Variants in PRPF3 observed in about 807,000 individuals in gnomAD.
PRPF3 encodes the protein pre-mRNA processing factor 3.
PRPF3 carries 3 observed loss-of-function variants against 89.2 expected under a neutral mutation model. That is an observed-to-expected ratio of 0.03 (90% CI 0.02 to 0.09). The LOEUF (loss-of-function observed/expected upper bound fraction) is 0.09, where lower values mean the gene tolerates loss of function less well. Among genes scored for constraint, PRPF3 ranks in the 10% least tolerant of loss-of-function variants. The pLI, the probability that PRPF3 is intolerant of heterozygous loss-of-function variation, is 1.00. For missense variants in PRPF3, 463 were observed against 828.8 expected, an observed-to-expected ratio of 0.56 and a Z score of 5.42; for synonymous variants, 270 against 289.1, an observed-to-expected ratio of 0.93 and a Z score of 0.67.
At position 150,325,829 on chromosome 1, in the gene PRPF3, G is replaced by A; in HGVS notation, c.224G>A (p.Ser75Asn). 2 of 1,613,820 alleles carry A rather than the reference G, an allele frequency of 1.2e-6. No homozygotes were observed. The highest frequency in any genetic ancestry group is 1.7e-6 in the Non-Finnish European group (2 of 1,179,812). ...TTTGAGGCTGTGGAGGAAGGCCGAA[G>A]CTCTAGGCATTCCAAGTCTAGCAGT... is the stretch of plus-strand genomic sequence containing the variant. ...KLFEAVEEGR[S>N]SRHSKSSSDR... Residue 75 changes from serine to asparagine, a missense_variant, in exon 3 of 16, where the codon AGC becomes AAC. Physicochemically the swap from Ser to Asn is conservative, Grantham distance 46. Around this residue, in one of 8 missense-constraint regions of PRPF3, gnomAD observed 21 missense variants for 16.6 expected, o/e 1.26. Transcript: ENST00000324862.
intron 8 of PRPF3, among the ~76,000 whole-genome samples, chr1:150,339,693 C>T (rs1167681617): frequency 2.6e-5 from 4 of 151,406 alleles, no homozygotes; most frequent in African/African-American, 9.7e-5. Context: ...CCGCCTCAGC[C>T]TCCCAAAGGG....
chr1:150,323,465 G>A (rs1655331857), intron 1 of PRPF3, among the ~76,000 whole-genome samples: 1 of 151,636 alleles, frequency 6.6e-6, no homozygotes, highest in Admixed American at 6.6e-5. Flanking sequence ...GTGAAACCGT[G>A]TCTTTATTAA....
chr1:150,348,816 G>T (rs1263904783), intron 14 of PRPF3: 4 of 293,458 alleles, frequency 1.4e-5, no homozygotes, highest in Non-Finnish European at 2.6e-5. Context: ...AAAGTTTTTT[G>T]AGAGTAATAT....
chr1:150,335,795 G>A (rs1445584041), intron 7 of PRPF3, among the ~76,000 whole-genome samples: 15 of 145,378 alleles, frequency 1.0e-4, no homozygotes, highest in Admixed American at 7.0e-4. Flanking sequence ...GGGGGATGGA[G>A]TCTTGCACTG....
Position 150,325,870 on chromosome 1 carries a change from C to T in PRPF3, c.265C>T (p.Arg89Ter). Residue 89 changes from arginine to a stop codon, truncating the protein, a stop_gained, in exon 3 of 16, where the codon CGA (arginine) becomes TGA (stop). Coordinates refer to ENST00000324862, the MANE Select transcript of PRPF3 (RefSeq NM_004698.4). LOFTEE classifies it high-confidence loss of function. ...SKSSSDRSRK[R>*]ELKEVFGDDS... Reference sequence around the variant, plus strand: ...GTCTAGCAGTGACAGGAGCAGAAAACGAGAGCTAAAGGTAGGTTACAATTT... The same window carrying T: ...GTCTAGCAGTGACAGGAGCAGAAAATGAGAGCTAAAGGTAGGTTACAATTT... 1 of 1,613,148 alleles carries T rather than the reference C, an allele frequency of 6.2e-7. No individual in the cohort carries two copies. The highest frequency in any genetic ancestry group is 8.5e-7 in the Non-Finnish European group (1 of 1,179,356).
intron 1 of PRPF3, among the ~76,000 whole-genome samples, chr1:150,324,274 A>T (rs1553863056): frequency 6.6e-6 from 1 of 152,164 alleles, no homozygotes; most frequent in Non-Finnish European, 1.5e-5. Context: ...TTTTAGTGTT[A>T]CTAGGTTTGC....
At position 150,321,571 on chromosome 1, in the gene PRPF3, C is replaced by T. The variant is rs1214768916; in HGVS notation, c.-70C>T. On this transcript the variant is annotated 5_prime_UTR_variant, in exon 1 of 16. Transcript: ENST00000324862. ...TTCCGGTGTAACGTTCGGGCTCCGT[C>T]TCAGGGGCTGAAGTTTGTGAGGTGA... is the stretch of plus-strand genomic sequence containing the variant. 5 of 152,670 alleles carry T rather than the reference C, an allele frequency of 3.3e-5. No homozygotes were observed. Among genetic ancestry groups the T allele is most frequent in the East Asian group, 1.9e-4 (1 of 5,172 alleles). The allele number at this position is 152,670 out of a possible 1,614,324, so 9.5% of individuals were successfully genotyped here.
chr1:150,325,249 T>G (rs1655575920), intron 2 of PRPF3, among the ~76,000 whole-genome samples, 162 bp downstream of exon 2: 1 of 152,234 alleles, frequency 6.6e-6, no homozygotes, highest in African/African-American at 2.4e-5. Flanking sequence ...AATAATTTGC[T>G]TTTTCTCTTA....
chr1:150,335,155 A>G lies in PRPF3; in HGVS notation c.949A>G (p.Ile317Val). ...TACCTTTTTTGACCCCCGAGTCTCC[A>G]TTGCCCCTTCCCAGCGCCAGAGACG... ...SNTFFDPRVS[I>V]APSQRQRRTF... is the part of the protein sequence containing the mutation. Residue 317 changes from isoleucine to valine, a missense_variant, in exon 7 of 16, where the codon ATT (isoleucine) becomes GTT (valine). Physicochemically the swap from Ile to Val is conservative, Grantham distance 29. Coordinates refer to ENST00000324862, the MANE Select transcript of PRPF3 (RefSeq NM_004698.4). The G allele has an allele frequency of 1.2e-6, 2 of 1,614,102 alleles. No individual in the cohort carries two copies. The highest frequency in any genetic ancestry group is 1.7e-6 in the Non-Finnish European group (2 of 1,179,982).
At chr1:150,343,254 T>A (rs930810074) in intron 9 of PRPF3, 55 bp from the exon 10 acceptor site, 5 of 1,059,470 alleles carry the variant, frequency 4.7e-6, no homozygotes, top group African/African-American at 3.7e-5. Flanking sequence ...AAAAAATATA[T>A]ATATATATAT....
At chr1:150,338,016 G>A in intron 7 of PRPF3, 144 bp from the exon 8 acceptor site, 1 of 781,102 alleles carries the variant, frequency 1.3e-6, no homozygotes, top group Non-Finnish European at 2.0e-6. Context: ...AGAGGTTGCT[G>A]TTAGCCAAGA....
intron 4 of PRPF3, among the ~76,000 whole-genome samples, chr1:150,330,806 TC>T (rs1656275989): frequency 6.7e-6 from 1 of 149,644 alleles, no homozygotes; most frequent in African/African-American, 2.5e-5. Flanking sequence ...AACCTCCGCC[TC>T]CCGGGTTCAA....
rs782314132 is a variant in PRPF3 at position 150,328,277 on chromosome 1, A to G, written c.277-43A>G. The G allele has an allele frequency of 1.9e-6, 3 of 1,606,740 alleles. No homozygotes were observed. The East Asian group carries it at 6.7e-5, about 36-fold the overall frequency. On this transcript the variant is annotated intron_variant, in intron 3 of 15. Coordinates refer to ENST00000324862, the MANE Select transcript of PRPF3 (RefSeq NM_004698.4). The stretch of plus-strand genomic sequence containing the variant: ...CTAGGATAATTCTTCCCTTCTCCCC[A>G]CGGGGAGGGATACAGCTTTTCTTTC...
intron 11 of PRPF3, 43 bp from the exon 12 acceptor site, chr1:150,344,391 T>C: frequency 6.2e-7 from 1 of 1,614,162 alleles, no homozygotes; most frequent in Non-Finnish European, 8.5e-7. Flanking sequence ...CCTCTGATCT[T>C]CAATGCCTTT....
chr1:150,346,572 C>A, intron 14 of PRPF3, 81 bp downstream of exon 14: 1 of 1,362,874 alleles, frequency 7.3e-7, no homozygotes, highest in Non-Finnish European at 1.0e-6. Context: ...CTTATTTCCT[C>A]CCTGTGACAC....
At chr1:150,345,672 C>A in intron 12 of PRPF3, 1 of 348,836 alleles carries the variant, frequency 2.9e-6, no homozygotes, top group Non-Finnish European at 5.6e-6. Flanking sequence ...TTATAAGAGT[C>A]TAAGGGTCTA....
intron 7 of PRPF3, among the ~76,000 whole-genome samples, chr1:150,335,540 G>A (rs1458807966): frequency 6.6e-6 from 1 of 152,018 alleles, no homozygotes; most frequent in Admixed American, 6.6e-5. Flanking sequence ...ATCTCGGCTT[G>A]CTGCAACCTT....
chr1:150,336,755 C>CAA (rs1210951765), intron 7 of PRPF3, among the ~76,000 whole-genome samples: 11 of 151,260 alleles, frequency 7.3e-5, no homozygotes, highest in African/African-American at 2.7e-4. Context: ...AACTCCGTCT[C>CAA]AAAAAATATA....
chr1:150,338,189 T>C lies in PRPF3; in HGVS notation c.1065T>C (p.Ile355=). Residue 355 remains isoleucine (I), a synonymous_variant, in exon 8 of 16, where the codon ATT becomes ATC. Transcript: ENST00000324862. ...KAQLEKLQAE[I]SQAARKTGIH... is the part of the protein sequence containing the mutation. Reference sequence around the variant, plus strand: ...AACTGGAGAAGCTACAGGCAGAGATTTCACAAGCAGCTCGAAAAACAGGCA... The same window carrying C: ...AACTGGAGAAGCTACAGGCAGAGATCTCACAAGCAGCTCGAAAAACAGGCA... The C allele has an allele frequency of 1.2e-6, 2 of 1,614,168 alleles. No individual in the cohort carries two copies. The highest frequency in any genetic ancestry group is 1.7e-6 in the Non-Finnish European group (2 of 1,180,034).
Sources: allele counts gnomAD v4.1 joint callset (sites outside exome capture counted in the v4.1 genomes callset), GRCh38; gene constraint gnomAD v4.1.1; regional missense constraint gnomAD v4.1.1; transcripts MANE v1.5; gene names NCBI Gene and HGNC (gene_info 2026-07-23, HGNC 2026-07-21).